The following RAC1 variants were observed in gnomAD, a reference collection of about 807,000 sequenced individuals.
RAC1 encodes the protein Rac family small GTPase 1, also known as ras-related C3 botulinum toxin substrate 1.
In RAC1, 2 loss-of-function variants were observed where a neutral mutation model predicts 25.2. The ratio of observed to expected loss-of-function variants is 0.08; its 90% confidence interval spans 0.03 to 0.25. RAC1 has a LOEUF of 0.25. Among genes scored for constraint, RAC1 ranks in the 10% least tolerant of loss-of-function variants. The pLI, the probability that RAC1 is intolerant of heterozygous loss-of-function variation, is 1.00. For missense variants in RAC1, 50 were observed against 235.7 expected (o/e 0.21, Z 5.16); for synonymous variants, 88 against 94.0 (o/e 0.94, Z 0.37).
rs1457304873 is a variant in RAC1, at chr7:6,374,605, G to A, written c.-131G>A. 79 of 422,806 alleles carry A rather than the reference G, an allele frequency of 1.9e-4. No individual in the cohort carries two copies. Among genetic ancestry groups the A allele is most frequent in the Non-Finnish European group, 2.6e-4 (79 of 305,494 alleles). The allele number at this position is 422,806 out of a possible 1,614,324, so 26.2% of individuals were successfully genotyped here. On this transcript the variant is annotated 5_prime_UTR_variant, in exon 1 of 6. Coordinates refer to ENST00000348035, the MANE Select transcript of RAC1 (RefSeq NM_006908.5). ...GCTTCCAGTCCGCGGAGGGCGAGGC[G>A]GCGTGGACAGCGGCCCCGGCACCCA...
chr7:6,383,722 C>T (rs542861246), intron 1 of RAC1, among the ~76,000 whole-genome samples: 71 of 141,528 alleles, frequency 5.0e-4, no homozygotes, highest in African/African-American at 1.6e-3. Flanking sequence ...TCAAAACCTT[C>T]ATAGCAGCTT....
intron 3 of RAC1, chr7:6,398,532 C>G (rs1264063496): frequency 2.8e-6 from 2 of 706,802 alleles, no homozygotes; most frequent in South Asian, 1.9e-5. Flanking sequence ...ATGTTAGAAT[C>G]TATTGTATGC....
chr7:6,376,295 G>C (rs886338784), intron 1 of RAC1, among the ~76,000 whole-genome samples: 2 of 139,964 alleles, frequency 1.4e-5, no homozygotes, highest in African/African-American at 5.4e-5. Flanking sequence ...CGATCCTCCT[G>C]CCTCAGTGTC....
intron 1 of RAC1, among the ~76,000 whole-genome samples, chr7:6,375,203 T>C (rs1228082703): frequency 1.3e-5 from 2 of 152,108 alleles, no homozygotes; most frequent in African/African-American, 4.8e-5. Flanking sequence ...GTCGATCATA[T>C]TTGATGCATG....
intron 3 of RAC1, among the ~76,000 whole-genome samples, chr7:6,397,057 AAAG>A (rs1783259096): frequency 2.2e-5 from 3 of 138,870 alleles, no homozygotes; most frequent in Non-Finnish European, 3.1e-5. Flanking sequence ...AAAAAAAAGA[AAAG>A]AAACCCCGTC....
intron 2 of RAC1, among the ~76,000 whole-genome samples, chr7:6,388,999 G>C (rs1006430779): frequency 1.3e-5 from 2 of 151,002 alleles, no homozygotes; most frequent in African/African-American, 4.9e-5. Flanking sequence ...TCAGGAGTTC[G>C]AGACCAACCT....
At chr7:6,376,584 C>G (rs1381996825) in intron 1 of RAC1, among the ~76,000 whole-genome samples, 1 of 150,520 alleles carries the variant, frequency 6.6e-6, no homozygotes, top group Non-Finnish European at 1.5e-5. Context: ...CTCCTGCAAC[C>G]TCTGCCTCCC....
intron 1 of RAC1, among the ~76,000 whole-genome samples, chr7:6,382,729 T>A (rs989020798): frequency 1.3e-5 from 2 of 152,030 alleles, no homozygotes; most frequent in Non-Finnish European, 2.9e-5. Context: ...AAAAATTAGC[T>A]GGATGTGGTG....
intron 2 of RAC1, among the ~76,000 whole-genome samples, chr7:6,390,529 G>T (rs1044334491): frequency 6.6e-6 from 1 of 151,694 alleles, no homozygotes; most frequent in South Asian, 2.1e-4. Flanking sequence ...GAACCCAGGA[G>T]GTGGAGGTTG....
Position 6,402,512 on chromosome 7 carries a change from CA to C in RAC1, c.*78del, listed in dbSNP as rs902427752. The C allele has an allele frequency of 7.6e-3, 1,337 of 176,294 alleles. 3 individuals carry two copies. Among genetic ancestry groups the C allele is most frequent in the Non-Finnish European group, 9.6e-3 (1,194 of 124,860 alleles). The allele number at this position is 176,294 out of a possible 1,614,324, so 10.9% of individuals were successfully genotyped here. A position where few individuals can be genotyped will look rare whatever the true frequency, so the allele number is the denominator to read the frequency against. ...TTTGTACGCTTTGCTCAAAAAAAAA[CA>C]AAAAAAAAAAACAAAAAAAAAAAAC... On this transcript the variant is annotated 3_prime_UTR_variant, in exon 6 of 6. Coordinates refer to ENST00000348035, the MANE Select transcript of RAC1 (RefSeq NM_006908.5).
chr7:6,382,390 T>G (rs1169561811), intron 1 of RAC1, among the ~76,000 whole-genome samples: 1 of 152,224 alleles, frequency 6.6e-6, no homozygotes, highest in African/African-American at 2.4e-5. Context: ...GAGATCAACG[T>G]GTCTTTAAAA....
intron 1 of RAC1, among the ~76,000 whole-genome samples, chr7:6,385,051 C>T (rs1241759836): frequency 6.6e-6 from 1 of 152,148 alleles, no homozygotes; most frequent in Non-Finnish European, 1.5e-5. Flanking sequence ...AGCGATCCAC[C>T]CACCTCAGCC....
intron 1 of RAC1, among the ~76,000 whole-genome samples, chr7:6,385,826 AT>A (rs1782908359): frequency 1.3e-5 from 2 of 152,220 alleles, no homozygotes; most frequent in Non-Finnish European, 2.9e-5. Context: ...CTGATGTGTC[AT>A]TGTGACCTTG....
intron 1 of RAC1, among the ~76,000 whole-genome samples, chr7:6,384,394 A>T (rs1377981274): frequency 6.6e-6 from 1 of 152,196 alleles, no homozygotes; most frequent in African/African-American, 2.4e-5. Flanking sequence ...TTTCTGGGCA[A>T]TTTAAAACCT....
chr7:6,379,909 C>T (rs117652353), intron 1 of RAC1, among the ~76,000 whole-genome samples: 3,317 of 152,134 alleles, frequency 0.022, 55 homozygotes, highest in Non-Finnish European at 0.036. Flanking sequence ...CCACTGCGCC[C>T]GGCCACAACT....
chr7:6,396,196 G>A (rs1024634461), intron 3 of RAC1, among the ~76,000 whole-genome samples: 1 of 152,140 alleles, frequency 6.6e-6, no homozygotes, highest in Non-Finnish European at 1.5e-5. Flanking sequence ...ACACACAAGT[G>A]ACCTGTGAGG....
At chr7:6,398,164 C>A (rs1028989511) in intron 3 of RAC1, among the ~76,000 whole-genome samples, 1 of 152,228 alleles carries the variant, frequency 6.6e-6, no homozygotes, top group Non-Finnish European at 1.5e-5. Context: ...TTGGAATGTT[C>A]TGGCAGCATT....
rs567383078 is a variant in RAC1, at chr7:6,396,859, T to C, written c.226-3267T>C. On this transcript the variant is annotated intron_variant, in intron 3 of 5. Coordinates refer to ENST00000348035, the MANE Select transcript of RAC1 (RefSeq NM_006908.5). ...TCCTGGCTAACACGTTGAAACCTCG[T>C]CTCTACTAAAAATACAAAAAATTAG... 4.6e-5 allele frequency among the ~76,000 whole-genome samples: 7 copies of C among 151,982 alleles called. No homozygotes were observed. The East Asian group carries it at 1.4e-3, about 29-fold the overall frequency.
At chr7:6,382,310 C>A in intron 1 of RAC1, among the ~76,000 whole-genome samples, 1 of 152,172 alleles carries the variant, frequency 6.6e-6, no homozygotes, top group East Asian at 1.9e-4. Context: ...CACTTTTAGA[C>A]AGCAATATAT....
Sources: gnomAD v4.1 joint callset for allele counts (sites outside exome capture counted in the v4.1 genomes callset) on GRCh38, gnomAD v4.1.1 for gene constraint, MANE v1.5 for transcripts, NCBI Gene and HGNC (gene_info 2026-07-23, HGNC 2026-07-21) for gene names.